GRM1: variants seen among roughly 807,000 people sequenced by gnomAD.
GRM1 encodes metabotropic glutamate receptor 1.
Under a neutral mutation model 90.9 loss-of-function variants are expected in GRM1, and 33 were observed. The ratio of observed to expected loss-of-function variants is 0.36; its 90% CI spans 0.28 to 0.49. The LOEUF (loss-of-function observed/expected upper bound fraction) is 0.49. Ranked by LOEUF, GRM1 falls within the 20% of genes least tolerant of loss-of-function variation. The pLI is 0.99. For missense variants in GRM1, 1,190 were observed against 1,534.3 expected, an observed-to-expected ratio of 0.78 and a Z score of 3.75; for synonymous variants, 700 against 613.2, an observed-to-expected ratio of 1.14 and a Z score of -2.09.
At chr6:146,416,186 A>G (rs1777776407) in intron 7 of GRM1, among the ~76,000 whole-genome samples, 1 of 152,172 alleles carries the variant, frequency 6.6e-6, no homozygotes, top group Non-Finnish European at 1.5e-5. Flanking sequence ...CCTTTAAATT[A>G]GAATATCTAG....
intron 1 of GRM1, among the ~76,000 whole-genome samples, chr6:146,050,090 G>C (rs1791472147): frequency 6.6e-6 from 1 of 151,956 alleles, no homozygotes; most frequent in African/African-American, 2.4e-5. Flanking sequence ...AAGTGAGTAA[G>C]GAAAATGTAA....
intron 2 of GRM1, among the ~76,000 whole-genome samples, chr6:146,262,903 G>A (rs1018643363): frequency 1.3e-5 from 2 of 151,442 alleles, no homozygotes; most frequent in African/African-American, 4.8e-5. Flanking sequence ...TTAAATAAAC[G>A]ACCTAATGCA....
chr6:146,128,794 C>T (rs554183383), intron 1 of GRM1, among the ~76,000 whole-genome samples: 6 of 152,078 alleles, frequency 3.9e-5, no homozygotes, highest in East Asian at 1.9e-4. Flanking sequence ...GAGAATCTTT[C>T]GTTTTAAAAG....
At chr6:146,389,705 A>T (rs1776647941) in intron 6 of GRM1, among the ~76,000 whole-genome samples, 1 of 152,140 alleles carries the variant, frequency 6.6e-6, no homozygotes, top group South Asian at 2.1e-4. Flanking sequence ...AACTCCTCAG[A>T]CCATGCCCTT....
intron 1 of GRM1, among the ~76,000 whole-genome samples, chr6:146,134,128 A>T (rs1286743419): frequency 6.6e-6 from 1 of 152,112 alleles, no homozygotes; most frequent in Non-Finnish European, 1.5e-5. Flanking sequence ...GCCTACTCAT[A>T]TGTCTCATTC....
intron 5 of GRM1, among the ~76,000 whole-genome samples, chr6:146,367,768 A>G (rs1775746989): frequency 6.6e-6 from 1 of 152,116 alleles, no homozygotes; most frequent in South Asian, 2.1e-4. Context: ...ATGGCTGTGT[A>G]GTATTTTACA....
rs763369977 is a variant in GRM1 at position 146,398,878 on chromosome 6, C to T, written c.1839C>T (p.Ile613=). 6 of 1,613,866 alleles carry T rather than the reference C, an allele frequency of 3.7e-6. No homozygotes were observed. Among genetic ancestry groups the T allele is most frequent in the Non-Finnish European group, 5.1e-6 (6 of 1,179,792 alleles). Residue 613 remains isoleucine (I), a synonymous_variant, in exon 7 of 8, where the codon ATC becomes ATT. Transcript: ENST00000282753. ...TTGTTACCTTGTTTGTCACCCTAAT[C>T]TTTGTACTGTACCGGGACACACCAG... ...GILVTLFVTL[I]FVLYRDTPVV... is the part of the protein sequence containing the mutation.
intron 2 of GRM1, among the ~76,000 whole-genome samples, chr6:146,216,876 A>G (rs1259182443): frequency 6.6e-6 from 1 of 152,204 alleles, no homozygotes; most frequent in African/African-American, 2.4e-5. Context: ...CAAGGTACCC[A>G]ATCAAGGAGC....
chr6:146,358,197 G>A (rs1785662379), intron 5 of GRM1, among the ~76,000 whole-genome samples: 2 of 152,008 alleles, frequency 1.3e-5, no homozygotes, highest in African/African-American at 4.8e-5. Context: ...ACAAAAGACA[G>A]CGTCCCCACT....
intron 3 of GRM1, among the ~76,000 whole-genome samples, chr6:146,344,397 T>C (rs978851671): frequency 6.6e-6 from 1 of 152,242 alleles, no homozygotes; most frequent in Non-Finnish European, 1.5e-5. Flanking sequence ...TTGTCGTTCT[T>C]GTTTCTGTAA....
intron 3 of GRM1, among the ~76,000 whole-genome samples, chr6:146,344,200 T>C (rs1028833935): frequency 1.3e-5 from 2 of 152,188 alleles, no homozygotes; most frequent in Admixed American, 1.3e-4. Context: ...CCACCTGCTA[T>C]TCATTTATTT....
At chr6:146,125,317 A>G (rs1355498840) in intron 1 of GRM1, among the ~76,000 whole-genome samples, 1 of 152,140 alleles carries the variant, frequency 6.6e-6, no homozygotes, top group African/African-American at 2.4e-5. Flanking sequence ...AAATGTGACT[A>G]TATGTTTTCT....
At chr6:146,178,099 T>G (rs1019182972) in intron 2 of GRM1, among the ~76,000 whole-genome samples, 3 of 152,224 alleles carry the variant, frequency 2.0e-5, no homozygotes, top group African/African-American at 7.2e-5. Context: ...ATCATAGTTT[T>G]TACTTACTGT....
intron 2 of GRM1, among the ~76,000 whole-genome samples, chr6:146,177,083 T>G (rs952806800): frequency 6.6e-6 from 1 of 152,146 alleles, no homozygotes; most frequent in Non-Finnish European, 1.5e-5. Flanking sequence ...GAGCTTTCTT[T>G]TCTTCTTTAA....
intron 1 of GRM1, among the ~76,000 whole-genome samples, chr6:146,080,102 G>C (rs925322641): frequency 1.4e-4 from 21 of 152,118 alleles, no homozygotes; most frequent in Non-Finnish European, 2.9e-5. Context: ...AGGACTCGGA[G>C]CATCTTCAAG....
chr6:146,135,337 C>T (rs181923779), intron 1 of GRM1, among the ~76,000 whole-genome samples: 2 of 152,264 alleles, frequency 1.3e-5, no homozygotes, highest in African/African-American at 2.4e-5. Context: ...AGATGGATGA[C>T]ATCACTCCAA....
intron 2 of GRM1, among the ~76,000 whole-genome samples, chr6:146,222,034 T>C (rs1473518305): frequency 6.6e-6 from 1 of 152,116 alleles, no homozygotes; most frequent in Non-Finnish European, 1.5e-5. Flanking sequence ...CCCTACTCTA[T>C]AGAGAAACTC....
intron 1 of GRM1, among the ~76,000 whole-genome samples, chr6:146,032,509 G>A (rs753016258): frequency 1.1e-4 from 16 of 152,080 alleles, no homozygotes; most frequent in Non-Finnish European, 8.8e-5. Context: ...GGGCCCCATA[G>A]TGTACTGGCC....
intron 2 of GRM1, among the ~76,000 whole-genome samples, chr6:146,192,599 C>T (rs903989006): frequency 2.0e-5 from 3 of 152,144 alleles, no homozygotes; most frequent in Admixed American, 2.0e-4. Context: ...TCATTATTGC[C>T]ATCCAACTTA....
Sources: gnomAD v4.1 joint callset for allele counts (sites outside exome capture counted in the v4.1 genomes callset) on GRCh38, gnomAD v4.1.1 for gene constraint, MANE v1.5 for transcripts, NCBI Gene and HGNC (gene_info 2026-07-23, HGNC 2026-07-21) for gene names.